The following SPRED1 variants were observed in gnomAD, a reference collection of about 807,000 sequenced individuals.
The protein encoded by SPRED1 is sprouty-related, EVH1 domain-containing protein 1.
In SPRED1, 18 loss-of-function variants were observed where a neutral mutation model predicts 52.3. That is an observed-to-expected ratio of 0.34 (90% confidence interval 0.24 to 0.51). The LOEUF (loss-of-function observed/expected upper bound fraction) is 0.51. SPRED1 is among the 20% of genes least tolerant of loss of function. The pLI is 0.97. For synonymous variants in SPRED1, 155 were observed against 179.7 expected (o/e 0.86, Z 1.10); for missense variants, 485 against 551.0 (o/e 0.88, Z 1.20).
intron 4 of SPRED1, among the ~76,000 whole-genome samples, chr15:38,336,938 A>G (rs1187362210): frequency 1.3e-5 from 2 of 152,186 alleles, no homozygotes; most frequent in African/African-American, 4.8e-5. Flanking sequence ...TAGTGAAATA[A>G]AAAACTTTAA....
chr15:38,343,331 G>C (rs989063319), intron 5 of SPRED1, among the ~76,000 whole-genome samples: 2 of 152,044 alleles, frequency 1.3e-5, no homozygotes, highest in Admixed American at 6.6e-5. Flanking sequence ...GTCAAGAAAT[G>C]AATATGGTCA....
At chr15:38,324,231 A>T (rs1436047440) in intron 3 of SPRED1, among the ~76,000 whole-genome samples, 1 of 152,192 alleles carries the variant, frequency 6.6e-6, no homozygotes, top group Non-Finnish European at 1.5e-5. Context: ...AACTAAAGGT[A>T]CTCTTAACAG....
chr15:38,264,422 C>T (rs1264358191), intron 1 of SPRED1, among the ~76,000 whole-genome samples: 2 of 152,074 alleles, frequency 1.3e-5, no homozygotes, highest in Non-Finnish European at 2.9e-5. Context: ...AGTTAAAGAG[C>T]TTGTAGAGTG....
intron 1 of SPRED1, among the ~76,000 whole-genome samples, chr15:38,263,724 C>T (rs930630192): frequency 3.9e-5 from 6 of 152,046 alleles, no homozygotes; most frequent in African/African-American, 9.7e-5. Flanking sequence ...TTGAGGGTGT[C>T]CAATCTTTTG....
chr15:38,333,773 TA>T (rs1031025795), intron 4 of SPRED1, among the ~76,000 whole-genome samples: 1 of 152,130 alleles, frequency 6.6e-6, no homozygotes, highest in African/African-American at 2.4e-5. Flanking sequence ...CTTTTTGTCA[TA>T]TATACCATAA....
chr15:38,322,507 C>A, intron 3 of SPRED1, 98 bp downstream of exon 3: 1 of 1,253,210 alleles, frequency 8.0e-7, no homozygotes, highest in Non-Finnish European at 1.1e-6. Context: ...CACACTTTAA[C>A]CATGTCAGCT....
chr15:38,253,316 G>A, intron 1 of SPRED1, 99 bp downstream of exon 1: 1 of 1,182,806 alleles, frequency 8.5e-7, no homozygotes, highest in Non-Finnish European at 1.2e-6. Context: ...GAAAGCTTGC[G>A]ACCCTGGAGA....
chr15:38,308,338 A>C (rs1004417167), intron 2 of SPRED1, among the ~76,000 whole-genome samples: 7 of 152,206 alleles, frequency 4.6e-5, no homozygotes, highest in African/African-American at 1.7e-4. Context: ...CTGTTGATAC[A>C]ATCTATCATA....
intron 1 of SPRED1, among the ~76,000 whole-genome samples, chr15:38,264,403 T>G (rs1894262444): frequency 6.6e-6 from 1 of 152,132 alleles, no homozygotes; most frequent in Non-Finnish European, 1.5e-5. Context: ...GAACTGCAAG[T>G]TTTGGTAAAG....
At chr15:38,266,071 C>G (rs932687968) in intron 1 of SPRED1, among the ~76,000 whole-genome samples, 2 of 152,130 alleles carry the variant, frequency 1.3e-5, no homozygotes, top group Non-Finnish European at 2.9e-5. Context: ...AGCAAAAATA[C>G]GTTTACATTT....
At chr15:38,271,053 A>T in intron 1 of SPRED1, among the ~76,000 whole-genome samples, 1 of 152,288 alleles carries the variant, frequency 6.6e-6, no homozygotes, top group Middle Eastern at 3.4e-3. Flanking sequence ...TTATATAAAA[A>T]TGATTCTTCT....
intron 1 of SPRED1, among the ~76,000 whole-genome samples, chr15:38,256,535 T>G (rs922198922): frequency 6.6e-6 from 1 of 152,170 alleles, no homozygotes; most frequent in African/African-American, 2.4e-5. Flanking sequence ...TAGGTTCACG[T>G]TAGCCAGAAA....
intron 1 of SPRED1, among the ~76,000 whole-genome samples, chr15:38,280,408 G>A (rs1383477393): frequency 6.6e-6 from 1 of 152,116 alleles, no homozygotes; most frequent in African/African-American, 2.4e-5. Context: ...TAGATGAGTT[G>A]CTTGTTTACT....
intron 1 of SPRED1, among the ~76,000 whole-genome samples, chr15:38,293,098 A>AGTTTTTTTTT (rs1566857726): frequency 4.9e-5 from 1 of 20,208 alleles, no homozygotes; most frequent in Non-Finnish European, 1.2e-4. Context: ...CAAGATTACA[A>AGTTTTTTTTT]CTTTTTTTTT....
chr15:38,258,056 T>C (rs1894135896), intron 1 of SPRED1, among the ~76,000 whole-genome samples: 1 of 152,188 alleles, frequency 6.6e-6, no homozygotes, highest in African/African-American at 2.4e-5. Flanking sequence ...TCACCCCATG[T>C]AAGAGTAGTA....
At chr15:38,318,252 G>A (rs552170121) in intron 2 of SPRED1, among the ~76,000 whole-genome samples, 2 of 152,062 alleles carry the variant, frequency 1.3e-5, no homozygotes, top group African/African-American at 4.8e-5. Context: ...TATTTTTATA[G>A]ATAGACGTAA....
chr15:38,296,877 C>T (rs1895050663), intron 1 of SPRED1, among the ~76,000 whole-genome samples: 1 of 152,140 alleles, frequency 6.6e-6, no homozygotes. Flanking sequence ...CACCTACCAT[C>T]ATGAAAGTAA....
intron 2 of SPRED1, among the ~76,000 whole-genome samples, chr15:38,321,238 A>G (rs1301302854): frequency 2.6e-5 from 4 of 152,216 alleles, no homozygotes; most frequent in African/African-American, 9.6e-5. Context: ...AATTAATGTG[A>G]TAAATCTGGA....
At chr15:38,295,155 C>T (rs1372696790) in intron 1 of SPRED1, among the ~76,000 whole-genome samples, 3 of 152,138 alleles carry the variant, frequency 2.0e-5, no homozygotes, top group Non-Finnish European at 2.9e-5. Context: ...TTTTGCAATA[C>T]GTATTTGCTC....
Sources: gnomAD v4.1 joint callset for allele counts (sites outside exome capture counted in the v4.1 genomes callset) on GRCh38, gnomAD v4.1.1 for gene constraint, MANE v1.5 for transcripts, NCBI Gene and HGNC (gene_info 2026-07-23, HGNC 2026-07-21) for gene names.